Variants in ATP6AP2 observed in about 807,000 individuals in gnomAD.
ATP6AP2 encodes ATPase H+ transporting accessory protein 2.
In ATP6AP2, 1 loss-of-function variant was observed where a neutral mutation model predicts 23.4. That is an observed-to-expected ratio of 0.04 (90% confidence interval 0.02 to 0.20). The LOEUF (loss-of-function observed/expected upper bound fraction) is 0.20, where lower values mean the gene tolerates loss of function less well. ATP6AP2 is among the 10% of genes least tolerant of loss of function. The pLI is 1.00. For missense variants in ATP6AP2, 174 were observed against 271.3 expected (o/e 0.64, Z 2.52); for synonymous variants, 90 against 97.1 (o/e 0.93, Z 0.43).
chrX:40,591,474 C>T, intron 3 of ATP6AP2, 109 bp downstream of exon 3: 1 of 921,509 alleles, frequency 1.1e-6, no homozygotes, highest in Non-Finnish European at 1.5e-6. Flanking sequence ...TTTTGATGCA[C>T]AGTTTCTTTT....
intron 8 of ATP6AP2, among the ~76,000 whole-genome samples, chrX:40,601,677 T>A (rs2146544705): frequency 8.9e-6 from 1 of 111,777 alleles, no homozygotes; most frequent in Admixed American, 9.5e-5. Context: ...AGAACATTGC[T>A]TAGGGCTGGC....
rs1926974570 is a variant in ATP6AP2, at chrX:40,602,943, G to GTTT, written c.858+2062_858+2063insTTT. 5.5e-4 allele frequency among the ~76,000 whole-genome samples: 6 copies of GTTT among 10,946 alleles called. 1 individual carries two copies. The highest frequency in any genetic ancestry group is 1.2e-3 in the Admixed American group (1 of 858). The allele number at this position is 10,946 out of a possible 115,157, so 9.5% of individuals were successfully genotyped here. A position where few individuals can be genotyped will look rare whatever the true frequency, so the allele number is the denominator to read the frequency against. ...TTTTTTTTTTTTTTTTTTTTTTTTG[G>GTTT]ATTTTTTGGAGATAGGATCTTACTC... On this transcript the variant is annotated intron_variant, in intron 8 of 8. Coordinates refer to ENST00000636580, the MANE Select transcript of ATP6AP2 (RefSeq NM_005765.3).
chrX:40,596,423 A>AT (rs1926776474), intron 3 of ATP6AP2, among the ~76,000 whole-genome samples: 1 of 111,406 alleles, frequency 9.0e-6, no homozygotes, highest in Non-Finnish European at 1.9e-5. Flanking sequence ...ACTGTAATTT[A>AT]TTTTTTTAAA....
intron 8 of ATP6AP2, among the ~76,000 whole-genome samples, chrX:40,604,268 G>A (rs1927014712): frequency 9.0e-6 from 1 of 111,455 alleles, no homozygotes; most frequent in Non-Finnish European, 1.9e-5. Flanking sequence ...GTTTTCATAT[G>A]GCTATAAAGA....
chrX:40,594,435 T>C (rs1287758330), intron 3 of ATP6AP2, among the ~76,000 whole-genome samples: 1 of 112,159 alleles, frequency 8.9e-6, no homozygotes, highest in African/African-American at 3.2e-5. Flanking sequence ...GAAAATGTAG[T>C]GATTGTGTAG....
intron 6 of ATP6AP2, 73 bp downstream of exon 6, chrX:40,598,807 CA>C (rs1926835244): frequency 9.6e-7 from 1 of 1,043,100 alleles, no homozygotes; most frequent in Non-Finnish European, 1.3e-6. Context: ...ATAGTAAAGG[CA>C]GTTGAAAAGT....
intron 7 of ATP6AP2, chrX:40,599,968 C>T: frequency 2.5e-6 from 1 of 396,995 alleles, no homozygotes; most frequent in Non-Finnish European, 4.4e-6. Context: ...TCACACAAAG[C>T]TTTACAAAAT....
chrX:40,597,842 A>G (rs1299544626), intron 5 of ATP6AP2, 178 bp downstream of exon 5: 3 of 466,997 alleles, frequency 6.4e-6, no homozygotes, highest in Admixed American at 3.8e-5. Context: ...CTGGCCTCCC[A>G]TTCCTTATAC....
intron 7 of ATP6AP2, chrX:40,600,104 CT>C: frequency 4.3e-6 from 1 of 234,432 alleles, no homozygotes; most frequent in Non-Finnish European, 7.8e-6. Context: ...ATTTCTAGAA[CT>C]TTTTCTTCTT....
chrX:40,600,455 TA>T, intron 7 of ATP6AP2: 1 of 154,145 alleles, frequency 6.5e-6, no homozygotes, highest in Non-Finnish European at 1.2e-5. Context: ...TCAAAACCTT[TA>T]AGACTTGCTT....
chrX:40,600,014 CTT>C, intron 7 of ATP6AP2: 2 of 320,168 alleles, frequency 6.2e-6, no homozygotes, highest in Non-Finnish European at 1.1e-5. Flanking sequence ...AAAATTACCA[CTT>C]TAACCATTTT....
chrX:40,592,900 T>G (rs1926669483), intron 3 of ATP6AP2, among the ~76,000 whole-genome samples: 1 of 111,846 alleles, frequency 8.9e-6, no homozygotes, highest in Non-Finnish European at 1.9e-5. Flanking sequence ...ATAAACTAAC[T>G]TCTCTGACCA....
chrX:40,601,597 C>A (rs952026391), intron 8 of ATP6AP2, among the ~76,000 whole-genome samples: 6 of 112,014 alleles, frequency 5.4e-5, no homozygotes, highest in Non-Finnish European at 1.1e-4. Context: ...TATATACTTA[C>A]AGCTGCAGCA....
intron 1 of ATP6AP2, among the ~76,000 whole-genome samples, chrX:40,585,810 C>G (rs897532413): frequency 9.0e-6 from 1 of 111,060 alleles, no homozygotes; most frequent in Non-Finnish European, 1.9e-5. Flanking sequence ...GAGCTGAGAT[C>G]CTTACCACTG....
At chrX:40,594,669 CAGG>C (rs1455534049) in intron 3 of ATP6AP2, among the ~76,000 whole-genome samples, 1 of 111,882 alleles carries the variant, frequency 8.9e-6, no homozygotes, top group Non-Finnish European at 1.9e-5. Context: ...ATTGAAAAAT[CAGG>C]AGATGTAATT....
chrX:40,601,143 A>G, intron 8 of ATP6AP2, among the ~76,000 whole-genome samples: 1 of 111,996 alleles, frequency 8.9e-6, no homozygotes, highest in Non-Finnish European at 1.9e-5. Flanking sequence ...TATAATTCAA[A>G]TATCAGTACA....
At chrX:40,593,118 C>T (rs772390251) in intron 3 of ATP6AP2, among the ~76,000 whole-genome samples, 38 of 110,774 alleles carry the variant, frequency 3.4e-4, no homozygotes, top group Non-Finnish European at 6.6e-4. Flanking sequence ...CGTGGTGGCA[C>T]GCATCTGTAG....
At chrX:40,593,250 A>G (rs1218153701) in intron 3 of ATP6AP2, among the ~76,000 whole-genome samples, 1 of 107,432 alleles carries the variant, frequency 9.3e-6, no homozygotes, top group African/African-American at 3.4e-5. Flanking sequence ...CCATCTGGGA[A>G]AAAAAAAAAG....
chrX:40,602,762 T>G (rs1464299576), intron 8 of ATP6AP2, among the ~76,000 whole-genome samples: 2 of 107,022 alleles, frequency 1.9e-5, no homozygotes, highest in East Asian at 5.8e-4. Flanking sequence ...AATGGACAAC[T>G]CCAGATAAAG....
Sources: gnomAD v4.1 joint callset for allele counts (sites outside exome capture counted in the v4.1 genomes callset) on GRCh38, gnomAD v4.1.1 for gene constraint, MANE v1.5 for transcripts, NCBI Gene and HGNC (gene_info 2026-07-23, HGNC 2026-07-21) for gene names.